The following NUMA1 variants were observed in gnomAD, a reference collection of about 807,000 sequenced individuals.
NUMA1 encodes nuclear mitotic apparatus protein 1.
A neutral mutation model predicts 237.1 loss-of-function variants in NUMA1; 62 were observed. The ratio of observed to expected loss-of-function variants is 0.26; its 90% CI spans 0.21 to 0.32. The LOEUF is 0.32. Among genes scored for constraint, NUMA1 ranks in the 10% least tolerant of loss-of-function variants. NUMA1 has a pLI of 1.00. For synonymous variants in NUMA1, 1,028 were observed against 1,066.1 expected (o/e 0.96, Z 0.70); for missense variants, 2,533 against 2,666.5 (o/e 0.95, Z 1.10).
At position 72,033,547 on chromosome 11, in the gene NUMA1, A is replaced by T. The variant is rs1590988082; in HGVS notation, c.42+2355T>A. Among the ~76,000 whole-genome samples the T allele has an allele frequency of 2.0e-5, 3 of 151,754 alleles. No homozygotes were observed. In the East Asian group the frequency reaches 5.8e-4, roughly 29 times the overall value. On this transcript the variant is annotated intron_variant, in intron 3 of 26. Coordinates refer to ENST00000393695, the MANE Select transcript of NUMA1 (RefSeq NM_006185.4). ...ACCACCACACCCAGCTAATTTTTGTATTTTTTGAAGAGACAGGGTCTCACC... is the reference window on the plus strand; with the variant it reads ...ACCACCACACCCAGCTAATTTTTGTTTTTTTTGAAGAGACAGGGTCTCACC...
At chr11:72,030,818 C>T (rs996471328) in intron 3 of NUMA1, among the ~76,000 whole-genome samples, 3 of 152,130 alleles carry the variant, frequency 2.0e-5, no homozygotes, top group Non-Finnish European at 4.4e-5. Flanking sequence ...GGCTGGGAGC[C>T]AGTACATACA....
rs1468521839 is a variant in NUMA1 at position 72,019,567 on chromosome 11, G to A, written c.511C>T (p.Pro171Ser). 1 of 1,614,066 alleles carries A rather than the reference G, an allele frequency of 6.2e-7. No individual in the cohort carries two copies. The highest frequency in any genetic ancestry group is 1.7e-5 in the Admixed American group (1 of 60,026). Residue 171 changes from proline to serine, a missense_variant, in exon 9 of 27, where the codon CCT becomes TCT. Physicochemically the swap from Pro to Ser is moderately conservative, Grantham distance 74 (BLOSUM62 -1). Around this residue, in one of 3 missense-constraint regions of NUMA1, gnomAD observed 1,414 missense variants for 1,508.1 expected, o/e 0.94. Transcript: ENST00000393695. ...SSTFPEELSP[P>S]SHQAKREIRF... The stretch of plus-strand genomic sequence containing the variant: ...ATCTCCCTCTTGGCCTGGTGGCTAG[G>A]TGGGGAGAGCTCTTCAGGGAATGTG...
intron 1 of NUMA1, among the ~76,000 whole-genome samples, chr11:72,070,756 G>A (rs1366001825): frequency 1.3e-5 from 2 of 152,172 alleles, no homozygotes; most frequent in African/African-American, 2.4e-5. Context: ...GCAACAGAGC[G>A]AAACCACGTA....
intron 17 of NUMA1, 78 bp downstream of exon 17, chr11:72,010,707 AC>A: frequency 6.5e-6 from 9 of 1,378,060 alleles, no homozygotes; most frequent in Admixed American, 3.8e-5. Flanking sequence ...CTGCCCCGAC[AC>A]CCCCCACGGC....
intron 2 of NUMA1, among the ~76,000 whole-genome samples, chr11:72,052,762 C>T (rs1349453862): frequency 2.0e-5 from 3 of 151,484 alleles, no homozygotes; most frequent in Non-Finnish European, 4.4e-5. Flanking sequence ...CAGAGCAAGA[C>T]TCCATCTCAA....
Position 72,027,488 on chromosome 11 carries a change from A to G in NUMA1, c.128+1717T>C, listed in dbSNP as rs188337304. ...ATATAGGCAACAAGGGGAATAGTGG[A>G]ACAAGTTAAGCCGTACCATAATAAT... On this transcript the variant is annotated intron_variant, in intron 4 of 26. Coordinates refer to ENST00000393695, the MANE Select transcript of NUMA1 (RefSeq NM_006185.4). 3.7e-3 allele frequency among the ~76,000 whole-genome samples: 568 copies of G among 152,308 alleles called. 4 individuals are homozygous for G. The highest frequency in any genetic ancestry group is 0.013 in the African/African-American group (549 of 41,576).
chr11:72,052,184 A>G (rs1942400311), intron 2 of NUMA1, among the ~76,000 whole-genome samples: 1 of 152,192 alleles, frequency 6.6e-6, no homozygotes, highest in African/African-American at 2.4e-5. Flanking sequence ...GTGGGGAGCT[A>G]AAGAGAACAC....
In NUMA1 at chr11:72,014,566, A is replaced by G. The variant is rs142372284; in HGVS notation, c.2937T>C (p.Asn979=). The G allele has an allele frequency of 7.1e-4, 1,131 of 1,603,746 alleles. 6 individuals carry two copies. In the African/African-American group the frequency reaches 0.014, roughly 20 times the overall value. Reference sequence around the variant, plus strand: ...GCGCGGCCCGCAGCCGTTCCAGCTCATTGCCCATCTGCTCTGCCTCCCGCT... The same window carrying G: ...GCGCGGCCCGCAGCCGTTCCAGCTCGTTGCCCATCTGCTCTGCCTCCCGCT... ...AMEREAEQMG[N]ELERLRAALM... The change falls in exon 15 of 27, where the codon AAT becomes AAC. Residue 979 remains asparagine (N), a synonymous_variant. Coordinates refer to ENST00000393695, the MANE Select transcript of NUMA1 (RefSeq NM_006185.4). This position sits in a 1 kb window ranked among gnomAD's most constrained non-coding sequence, Gnocchi z 4.6.
intron 2 of NUMA1, chr11:72,065,563 C>T (rs1292011662): frequency 2.6e-5 from 4 of 152,052 alleles, no homozygotes; most frequent in African/African-American, 9.7e-5. Flanking sequence ...AAAATAAGAA[C>T]AGTAGTTTTC....
In NUMA1 at chr11:72,003,892, C is replaced by T; in HGVS notation, c.6331G>A (p.Gly2111Ser). 2 of 1,613,658 alleles carry T rather than the reference C, an allele frequency of 1.2e-6. No individual in the cohort carries two copies. Among genetic ancestry groups the T allele is most frequent in the South Asian group, 1.1e-5 (1 of 91,060 alleles). Reference protein sequence around the residue: ...AAIGATPRAKGKAKH With the variant: ...AAIGATPRAKSKAKH ...CATCCTGCCAGTGCCTCTACCTTGCCCTTGGCTCGAGGGGTGGCACCAATG... is the reference window on the plus strand; with the variant it reads ...CATCCTGCCAGTGCCTCTACCTTGCTCTTGGCTCGAGGGGTGGCACCAATG... The change falls in exon 26 of 27, where the codon GGC becomes AGC. Residue 2111 changes from glycine (G) to serine (S), a missense_variant. This residue lies in a region of NUMA1 where 795 missense variants were observed against 750.8 expected (regional missense o/e 1.06). Coordinates refer to ENST00000393695, the MANE Select transcript of NUMA1 (RefSeq NM_006185.4).
At chr11:72,052,754 G>C (rs528999053) in intron 2 of NUMA1, among the ~76,000 whole-genome samples, 4 of 151,840 alleles carry the variant, frequency 2.6e-5, no homozygotes, top group Non-Finnish European at 5.9e-5. Flanking sequence ...GCTCCAGTCA[G>C]AGCAAGACTC....
At chr11:72,008,427 C>T (rs1955900786) in intron 20 of NUMA1, 2 of 493,522 alleles carry the variant, frequency 4.1e-6, no homozygotes, top group South Asian at 2.1e-5. Context: ...TCTGTTCACA[C>T]TGCTCTTCTC....
intron 26 of NUMA1, 153 bp downstream of exon 26, chr11:72,003,734 C>T (rs1359573327): frequency 9.9e-7 from 1 of 1,012,536 alleles, no homozygotes; most frequent in East Asian, 2.6e-5. Flanking sequence ...GTCTTCTCTC[C>T]TTGGAGAGGA....
At position 72,013,824 on chromosome 11, in the gene NUMA1, T is replaced by C. The variant is rs745940258; in HGVS notation, c.3679A>G (p.Ile1227Val). ...RQEAERKNSL[I>V]SSLEEEVSIL... ...GACACCTCCTCCTCCAAGCTGCTGA[T>C]GAGGCTATTTTTCCTCTCAGCCTCT... The change falls in exon 15 of 27, where the codon ATC becomes GTC. Residue 1227 changes from isoleucine to valine, a missense_variant. This residue lies in a region of NUMA1 where 324 missense variants were observed against 407.6 expected (regional missense o/e 0.79). Transcript: ENST00000393695. This position sits in a 1 kb window ranked among gnomAD's most constrained non-coding sequence, Gnocchi z 6.8. The C allele has an allele frequency of 5.6e-6, 9 of 1,612,076 alleles. No individual in the cohort carries two copies. Among genetic ancestry groups the C allele is most frequent in the Non-Finnish European group, 7.6e-6 (9 of 1,180,028 alleles).
intron 2 of NUMA1, among the ~76,000 whole-genome samples, chr11:72,047,036 CG>C (rs916991467): frequency 2.0e-5 from 3 of 151,810 alleles, no homozygotes; most frequent in African/African-American, 7.3e-5. Context: ...GAGGTTGAAG[CG>C]GGGTGGTGAC....
rs1340552348 is a variant in NUMA1 at position 72,016,199 on chromosome 11, C to G, written c.1304G>C (p.Arg435Thr). Residue 435 changes from arginine to threonine, a missense_variant, in exon 15 of 27, where the codon AGG (arginine) becomes ACG (threonine). This residue lies in a region of NUMA1 where 1,414 missense variants were observed against 1,508.1 expected (regional missense o/e 0.94). Coordinates refer to ENST00000393695, the MANE Select transcript of NUMA1 (RefSeq NM_006185.4). ...TCGCTCAGTCTCCAGCATCTCTACC[C>G]TGGCTTGGAGCTGTGTGTTGTTTGC... ...LAANNTQLQA[R>T]VEMLETERGQ... 9 of 1,611,142 alleles carry G rather than the reference C, an allele frequency of 5.6e-6. No homozygotes were observed. The highest frequency in any genetic ancestry group is 7.6e-6 in the Non-Finnish European group (9 of 1,177,950).
rs771211160 is a variant in NUMA1, at chr11:72,004,289, T to C, written c.6059A>G (p.His2020Arg). Residue 2020 changes from histidine (H) to arginine (R), a missense_variant, in exon 25 of 27, where the codon CAT (histidine) becomes CGT (arginine). His to Arg is a conservative substitution (Grantham distance 29). Around this residue, in one of 3 missense-constraint regions of NUMA1, gnomAD observed 795 missense variants for 750.8 expected, o/e 1.06. Transcript: ENST00000393695. ...FPRPMTPRDR[H>R]EGRKQSTTEA... is the part of the protein sequence containing the mutation. ...AGTAGTGCTCTGTTTGCGCCCTTCA[T>C]GTCGGTCTCGGGGAGTCATGGGGCG... The C allele has an allele frequency of 2.0e-5, 33 of 1,613,378 alleles. No individual in the cohort carries two copies. Among genetic ancestry groups the C allele is most frequent in the Non-Finnish European group, 2.7e-5 (32 of 1,179,882 alleles).
intron 2 of NUMA1, among the ~76,000 whole-genome samples, chr11:72,038,304 T>C (rs1941280127): frequency 6.6e-6 from 1 of 152,170 alleles, no homozygotes; most frequent in Admixed American, 6.5e-5. Flanking sequence ...GGAGAGCCTG[T>C]CTAAAACTAG....
chr11:72,025,952 C>T (rs1939524458), intron 4 of NUMA1, among the ~76,000 whole-genome samples: 1 of 152,150 alleles, frequency 6.6e-6, no homozygotes, highest in Non-Finnish European at 1.5e-5. Context: ...CAATATTTAC[C>T]TCAGAGTATT....
Sources: allele counts gnomAD v4.1 joint callset (sites outside exome capture counted in the v4.1 genomes callset), GRCh38; gene constraint gnomAD v4.1.1; regional missense constraint gnomAD v4.1.1; non-coding constraint Gnocchi (gnomAD v3.1); transcripts MANE v1.5; gene names NCBI Gene and HGNC (gene_info 2026-07-23, HGNC 2026-07-21).